The following BACE1 variants were observed in gnomAD, a reference collection of about 807,000 sequenced individuals.
BACE1 encodes APP beta-secretase.
Under a neutral mutation model 54.0 loss-of-function variants are expected in BACE1, and 21 were observed. The observed-to-expected ratio is 0.39, with a 90% CI of 0.28 to 0.56. BACE1 has a LOEUF of 0.56. BACE1 is among the 20% of genes least tolerant of loss of function. BACE1 has a pLI of 0.63. For synonymous variants in BACE1, 232 were observed against 260.9 expected, an observed-to-expected ratio of 0.89 and a Z score of 1.07; for missense variants, 511 against 661.2, an observed-to-expected ratio of 0.77 and a Z score of 2.49.
At chr11:117,301,016 G>T (rs1008089686) in intron 1 of BACE1, among the ~76,000 whole-genome samples, 1 of 152,006 alleles carries the variant, frequency 6.6e-6, no homozygotes, top group Non-Finnish European at 1.5e-5. Context: ...ACTGGGTTTC[G>T]CCTCCATTCC....
chr11:117,294,297 A>G lies in BACE1; in HGVS notation c.568-289T>C, dbSNP rs113200558. 502 of 201,860 alleles carry G rather than the reference A, an allele frequency of 2.5e-3. 3 individuals are homozygous for G. The highest frequency in any genetic ancestry group is 0.011 in the African/African-American group (480 of 42,958). 12.5% of individuals were successfully genotyped at this position (201,860 alleles called of 1,614,324 possible). ...AATGTTACGATCTCGGCTCACTGCAACCTTCACCTCCTGGGTTCAAGTGAT... is the reference window on the plus strand; with the variant it reads ...AATGTTACGATCTCGGCTCACTGCAGCCTTCACCTCCTGGGTTCAAGTGAT... On this transcript the variant is annotated intron_variant, in intron 3 of 8. Transcript: ENST00000313005.
intron 5 of BACE1, chr11:117,292,803 G>A: frequency 2.5e-6 from 1 of 396,084 alleles, no homozygotes; most frequent in Non-Finnish European, 4.6e-6. Flanking sequence ...AGGCTACGAA[G>A]CAAGGCAGTG....
intron 1 of BACE1, among the ~76,000 whole-genome samples, chr11:117,307,267 G>A (rs1383001299): frequency 1.3e-5 from 2 of 152,164 alleles, no homozygotes; most frequent in East Asian, 3.9e-4. Flanking sequence ...AGAGACAGAA[G>A]TTAGTCATTA....
In BACE1 at chr11:117,315,708, G is replaced by A; in HGVS notation, c.88C>T (p.Leu30=). The A allele has an allele frequency of 6.7e-7, 1 of 1,498,044 alleles. No individual in the cohort carries two copies. The highest frequency in any genetic ancestry group is 1.3e-5 in the South Asian group (1 of 78,132). The allele number at this position is 1,498,044 out of a possible 1,614,324, so 92.8% of individuals were successfully genotyped here. A position where few individuals can be genotyped will look rare whatever the true frequency, so the allele number is the denominator to read the frequency against. The change falls in exon 1 of 9, where the codon CTG becomes TTG. Residue 30 remains leucine (L), a synonymous_variant. Transcript: ENST00000313005. This position sits in a 1 kb window ranked among gnomAD's most constrained non-coding sequence, Gnocchi z 5.5. ...GGGGCGCCCCCCAGGCCGCTGCGCA[G>A]GGGCAGCCGGATGCCGTGCTGGGTG... is the stretch of plus-strand genomic sequence containing the variant. ...HGTQHGIRLP[L]RSGLGGAPLG...
In BACE1 at chr11:117,289,536, G is replaced by A; in HGVS notation, c.*30C>T. On this transcript the variant is annotated 3_prime_UTR_variant, in exon 9 of 9. Coordinates refer to ENST00000313005, the MANE Select transcript of BACE1 (RefSeq NM_012104.6). ...GTGAACCACGGAGGTGTGGTCCAGG[G>A]GAATCTCTATCTTCTGCCCATGGGC... 6.2e-7 allele frequency: 1 copy of A among 1,611,108 alleles called. No individual in the cohort carries two copies. Among genetic ancestry groups the A allele is most frequent in the Non-Finnish European group, 8.5e-7 (1 of 1,178,468 alleles).
intron 3 of BACE1, 97 bp downstream of exon 3, chr11:117,295,034 T>C (rs2034560907): frequency 1.6e-6 from 2 of 1,240,646 alleles, no homozygotes; most frequent in African/African-American, 3.0e-5. Flanking sequence ...AACTGATTGT[T>C]GCCCTCCTTC....
At position 117,289,407 on chromosome 11, in the gene BACE1, C is replaced by T. The variant is rs1232941664; in HGVS notation, c.*159G>A. On this transcript the variant is annotated 3_prime_UTR_variant, in exon 9 of 9. Transcript: ENST00000313005. The stretch of plus-strand genomic sequence containing the variant: ...GGTACAGTCCCTGGAACCCACCTTG[C>T]CAGCCTTTTCCTTCTCCATCAAGGC... The T allele has an allele frequency of 3.1e-6, 4 of 1,286,878 alleles. No individual in the cohort carries two copies. Among genetic ancestry groups the T allele is most frequent in the Non-Finnish European group, 3.1e-6 (3 of 960,918 alleles). The allele number at this position is 1,286,878 out of a possible 1,614,324, so 79.7% of individuals were successfully genotyped here. A position where few individuals can be genotyped will look rare whatever the true frequency, so the allele number is the denominator to read the frequency against.
At chr11:117,304,776 T>C (rs2034794375) in intron 1 of BACE1, among the ~76,000 whole-genome samples, 1 of 152,194 alleles carries the variant, frequency 6.6e-6, no homozygotes, top group South Asian at 2.1e-4. Flanking sequence ...ACACTTTTAA[T>C]CATGTATTTA....
At chr11:117,295,427 C>G in intron 2 of BACE1, 80 bp from the exon 3 acceptor site, 1 of 1,555,770 alleles carries the variant, frequency 6.4e-7, no homozygotes, top group Non-Finnish European at 8.7e-7. Context: ...TCCCAAACAC[C>G]ACCTTATCTC....
At position 117,290,901 on chromosome 11, in the gene BACE1, T is replaced by G; in HGVS notation, c.1091A>C (p.Gln364Pro). 6.2e-7 allele frequency: 1 copy of G among 1,613,822 alleles called. No homozygotes were observed. Among genetic ancestry groups the G allele is most frequent in the Non-Finnish European group, 8.5e-7 (1 of 1,179,916 alleles). Residue 364 changes from glutamine (Q) to proline (P), a missense_variant and splice_region_variant, in exon 7 of 9, where the codon CAG becomes CCG. Gln to Pro is a moderately conservative substitution (Grantham distance 76). Transcript: ENST00000313005. ...CCCCTGACTCAGGCTGGGACATACC[T>G]GCGGAAGGATGGTGATGCGGAAGGA... is the stretch of plus-strand genomic sequence containing the variant. ...NQSFRITILP[Q>P]QYLRPVEDVA...
intron 6 of BACE1, 61 bp downstream of exon 6, chr11:117,291,651 C>G: frequency 4.1e-6 from 5 of 1,231,362 alleles, no homozygotes; most frequent in Non-Finnish European, 6.0e-6. Context: ...AAGAATGTGA[C>G]TCTCACCGCC....
intron 1 of BACE1, among the ~76,000 whole-genome samples, chr11:117,300,958 G>T (rs140214630): frequency 2.6e-5 from 4 of 152,262 alleles, no homozygotes; most frequent in Non-Finnish European, 4.4e-5. Flanking sequence ...GCTCAGCCAG[G>T]CTGTCTCCAT....
Position 117,293,280 on chromosome 11 carries a change from G to T in BACE1, c.706-92C>A. ...AGCAATAAGATCAGTGATTTCTTGGGGTGGCAAGGTCTTCTACAGGCTACC... is the reference window on the plus strand; with the variant it reads ...AGCAATAAGATCAGTGATTTCTTGGTGTGGCAAGGTCTTCTACAGGCTACC... On this transcript the variant is annotated intron_variant, in intron 4 of 8. Transcript: ENST00000313005. The surrounding 1 kb of genome is among the most constrained non-coding windows in gnomAD (Gnocchi z 4.1). 1 of 1,398,320 alleles carries T rather than the reference G, an allele frequency of 7.2e-7. No homozygotes were observed. Among genetic ancestry groups the T allele is most frequent in the Non-Finnish European group, 9.8e-7 (1 of 1,023,256 alleles). 86.6% of individuals were successfully genotyped at this position (1,398,320 alleles called of 1,614,324 possible).
rs12798410 is a variant in BACE1, at chr11:117,302,160, C to A, written c.262-5199G>T. Among the ~76,000 whole-genome samples, 898 of 151,624 alleles carry A rather than the reference C, an allele frequency of 5.9e-3. 4 individuals carry two copies. Among genetic ancestry groups the A allele is most frequent in the Non-Finnish European group, 9.0e-3 (613 of 67,840 alleles). ...ACCAGCCTGGGCAACATGGTGAAACCCCATCTCTACAAAAATACAAAAATT... is the reference window on the plus strand; with the variant it reads ...ACCAGCCTGGGCAACATGGTGAAACACCATCTCTACAAAAATACAAAAATT... On this transcript the variant is annotated intron_variant, in intron 1 of 8. Coordinates refer to ENST00000313005, the MANE Select transcript of BACE1 (RefSeq NM_012104.6).
chr11:117,294,746 G>A (rs986596257), intron 3 of BACE1, among the ~76,000 whole-genome samples: 4 of 151,746 alleles, frequency 2.6e-5, no homozygotes, highest in Non-Finnish European at 4.4e-5. Context: ...TTAGCCGGGC[G>A]TCATGGTGGG....
chr11:117,289,403 C>A lies in BACE1; in HGVS notation c.*163G>T. The A allele has an allele frequency of 8.0e-7, 1 of 1,250,036 alleles. No individual in the cohort carries two copies. The highest frequency in any genetic ancestry group is 2.9e-4 in the Middle Eastern group (1 of 3,502). 77.4% of individuals were successfully genotyped at this position (1,250,036 alleles called of 1,614,324 possible). A position where few individuals can be genotyped will look rare whatever the true frequency, so the allele number is the denominator to read the frequency against. On this transcript the variant is annotated 3_prime_UTR_variant, in exon 9 of 9. Coordinates refer to ENST00000313005, the MANE Select transcript of BACE1 (RefSeq NM_012104.6). ...TACAGGTACAGTCCCTGGAACCCAC[C>A]TTGCCAGCCTTTTCCTTCTCCATCA...
Position 117,289,509 on chromosome 11 carries a change from A to G in BACE1, c.*57T>C. On this transcript the variant is annotated 3_prime_UTR_variant, in exon 9 of 9. Coordinates refer to ENST00000313005, the MANE Select transcript of BACE1 (RefSeq NM_012104.6). Reference sequence around the variant, plus strand: ...CATCTGTGTCTCCTACTTGTGACCAAAGTGAACCACGGAGGTGTGGTCCAG... The same window carrying G: ...CATCTGTGTCTCCTACTTGTGACCAGAGTGAACCACGGAGGTGTGGTCCAG... 1 of 1,585,678 alleles carries G rather than the reference A, an allele frequency of 6.3e-7. No individual in the cohort carries two copies. Among genetic ancestry groups the G allele is most frequent in the Non-Finnish European group, 8.6e-7 (1 of 1,165,242 alleles).
rs548432676 is a variant in BACE1, at chr11:117,300,738, T to G, written c.262-3777A>C. ...CTGTGCTGGGGAGTCAAGTCCCTCCTCCCTTCCCAGGCACCCACCTCTTCC... is the reference window on the plus strand; with the variant it reads ...CTGTGCTGGGGAGTCAAGTCCCTCCGCCCTTCCCAGGCACCCACCTCTTCC... On this transcript the variant is annotated intron_variant, in intron 1 of 8. Coordinates refer to ENST00000313005, the MANE Select transcript of BACE1 (RefSeq NM_012104.6). Among the ~76,000 whole-genome samples, 1,241 of 147,002 alleles carry G rather than the reference T, an allele frequency of 8.4e-3. 9 individuals are homozygous for G. The highest frequency in any genetic ancestry group is 0.012 in the Non-Finnish European group (785 of 66,552).
rs1406296382 is a variant in BACE1, at chr11:117,286,313, G to A, written c.*3253C>T. ...AGATCATTTTCCACCTCTGCTTATT[G>A]TACTTCTTAATTTTAGGTTTTATAC... On this transcript the variant is annotated 3_prime_UTR_variant, in exon 9 of 9. Transcript: ENST00000313005. The A allele has an allele frequency of 1.3e-5, 2 of 152,138 alleles. No individual in the cohort carries two copies. The highest frequency in any genetic ancestry group is 2.4e-5 in the African/African-American group (1 of 41,434). The allele number at this position is 152,138 out of a possible 1,614,324, so 9.4% of individuals were successfully genotyped here. A position where few individuals can be genotyped will look rare whatever the true frequency, so the allele number is the denominator to read the frequency against.
Sources: allele counts gnomAD v4.1 joint callset (sites outside exome capture counted in the v4.1 genomes callset), GRCh38; gene constraint gnomAD v4.1.1; non-coding constraint Gnocchi (gnomAD v3.1); transcripts MANE v1.5; gene names NCBI Gene and HGNC (gene_info 2026-07-23, HGNC 2026-07-21).